XPC: variants seen among roughly 807,000 people sequenced by gnomAD.
The protein encoded by XPC is DNA repair protein complementing XP-C cells.
Under a neutral mutation model 95.8 loss-of-function variants are expected in XPC, and 76 were observed. That is an observed-to-expected ratio of 0.79 (90% CI 0.66 to 0.96). XPC has a LOEUF of 0.96. XPC is among the 40% of genes least tolerant of loss of function. XPC has a pLI of 0.00. For synonymous variants in XPC, 442 were observed against 442.1 expected (o/e 1.00, Z 0.00); for missense variants, 1,146 against 1,179.8 (o/e 0.97, Z 0.42).
Position 14,158,931 on chromosome 3 carries a change from C to A in XPC, c.991-39G>T, listed in dbSNP as rs371154995. 4.0e-5 allele frequency: 64 copies of A among 1,611,334 alleles called. No individual in the cohort carries two copies. In the African/African-American group the frequency reaches 6.8e-4, roughly 17 times the overall value. The stretch of plus-strand genomic sequence containing the variant: ...AGAAATTTTGCTTTTTTTTCTCCCC[C>A]CTCTTTTGCTAATGATATGATAGAA... On this transcript the variant is annotated intron_variant, in intron 8 of 15. Coordinates refer to ENST00000285021, the MANE Select transcript of XPC (RefSeq NM_004628.5). This position sits in a 1 kb window ranked among gnomAD's most constrained non-coding sequence, Gnocchi z 5.2.
intron 5 of XPC, 61 bp downstream of exon 5, chr3:14,167,108 G>A (rs1696411684): frequency 2.8e-6 from 4 of 1,430,634 alleles, no homozygotes; most frequent in Admixed American, 4.8e-5. Flanking sequence ...TAAAGCCTCG[G>A]TGAGCACAAG....
In XPC at chr3:14,145,360, A is replaced by G; in HGVS notation, c.*581T>C. 1.4e-6 allele frequency: 1 copy of G among 699,994 alleles called. No individual in the cohort carries two copies. The highest frequency in any genetic ancestry group is 1.5e-5 in the South Asian group (1 of 67,442). 43.4% of individuals were successfully genotyped at this position (699,994 alleles called of 1,614,324 possible). A position where few individuals can be genotyped will look rare whatever the true frequency, so the allele number is the denominator to read the frequency against. On this transcript the variant is annotated 3_prime_UTR_variant, in exon 16 of 16. Coordinates refer to ENST00000285021, the MANE Select transcript of XPC (RefSeq NM_004628.5). Reference sequence around the variant, plus strand: ...TCTGTCACCACAAAATGTTACTTGGAAAACTAGATCCCAGCAGATGACCTG... The same window carrying G: ...TCTGTCACCACAAAATGTTACTTGGGAAACTAGATCCCAGCAGATGACCTG...
Position 14,158,227 on chromosome 3 carries a change from C to CTGGT in XPC, c.1655_1656insACCA (p.Gly553ProfsTer22). The CTGGT allele has an allele frequency of 6.2e-7, 1 of 1,613,972 alleles. No individual in the cohort carries two copies. The highest frequency in any genetic ancestry group is 8.5e-7 in the Non-Finnish European group (1 of 1,179,886). On this transcript the variant is annotated frameshift_variant, in exon 9 of 16. Transcript: ENST00000285021. LOFTEE classifies it high-confidence loss of function. The surrounding 1 kb of genome is among the most constrained non-coding windows in gnomAD (Gnocchi z 5.2). ...ACTTGTAACAGGTCAGAGGCTGGCC[C>CTGGT]ACCACACCGTGCACACAGTCTACAC...
intron 7 of XPC, among the ~76,000 whole-genome samples, chr3:14,163,117 G>A (rs1696228301): frequency 6.6e-6 from 1 of 152,164 alleles, no homozygotes; most frequent in East Asian, 1.9e-4. Flanking sequence ...ATAACCAAGT[G>A]TTGGTAAAGA....
chr3:14,156,459 C>T lies in XPC; in HGVS notation c.1909G>A (p.Ala637Thr). Reference sequence around the variant, plus strand: ...GGGTGGTTCTTATATAAGCCAATGGCAGTGGGCAAAGGCTGGTCCATGTGT... The same window carrying T: ...GGGTGGTTCTTATATAAGCCAATGGTAGTGGGCAAAGGCTGGTCCATGTGT... Reference protein sequence around the residue: ...AKHMDQPLPTAIGLYKNHPLY... With the variant: ...AKHMDQPLPTTIGLYKNHPLY... Residue 637 changes from alanine to threonine, a missense_variant, in exon 10 of 16, where the codon GCC becomes ACC. Coordinates refer to ENST00000285021, the MANE Select transcript of XPC (RefSeq NM_004628.5). 6.2e-7 allele frequency: 1 copy of T among 1,614,002 alleles called. No individual in the cohort carries two copies. Among genetic ancestry groups the T allele is most frequent in the South Asian group, 1.1e-5 (1 of 91,080 alleles).
At position 14,151,066 on chromosome 3, in the gene XPC, C is replaced by T. The variant is rs140105791; in HGVS notation, c.2115+1269G>A. On this transcript the variant is annotated intron_variant, in intron 11 of 15. Coordinates refer to ENST00000285021, the MANE Select transcript of XPC (RefSeq NM_004628.5). Reference sequence around the variant, plus strand: ...GTTGCCCAAGCAAAAGATACTGAGGCAGGAGCTGGGGTGGTGGGGATCAGA... The same window carrying T: ...GTTGCCCAAGCAAAAGATACTGAGGTAGGAGCTGGGGTGGTGGGGATCAGA... 6.7e-3 allele frequency among the ~76,000 whole-genome samples: 1,018 copies of T among 152,092 alleles called. 16 individuals carry two copies. The highest frequency in any genetic ancestry group is 0.024 in the African/African-American group (983 of 41,466).
Position 14,145,205 on chromosome 3 carries a change from C to G in XPC, c.*736G>C, listed in dbSNP as rs1695362579. On this transcript the variant is annotated 3_prime_UTR_variant, in exon 16 of 16. Transcript: ENST00000285021. ...TTATAAAAGTCATTTCTCCTTAGTACAGAGAGCTTTATACATTTTATCTAG... is the reference window on the plus strand; with the variant it reads ...TTATAAAAGTCATTTCTCCTTAGTAGAGAGAGCTTTATACATTTTATCTAG... 1 of 594,202 alleles carries G rather than the reference C, an allele frequency of 1.7e-6. No individual in the cohort carries two copies. The highest frequency in any genetic ancestry group is 1.9e-5 in the African/African-American group (1 of 53,802). The allele number at this position is 594,202 out of a possible 1,614,324, so 36.8% of individuals were successfully genotyped here. A position where few individuals can be genotyped will look rare whatever the true frequency, so the allele number is the denominator to read the frequency against.
At position 14,158,913 on chromosome 3, in the gene XPC, T is replaced by C. The variant is rs1472051183; in HGVS notation, c.991-21A>G. 6.2e-7 allele frequency: 1 copy of C among 1,613,146 alleles called. No homozygotes were observed. Among genetic ancestry groups the C allele is most frequent in the South Asian group, 1.1e-5 (1 of 91,036 alleles). On this transcript the variant is annotated intron_variant, in intron 8 of 15. Coordinates refer to ENST00000285021, the MANE Select transcript of XPC (RefSeq NM_004628.5). The surrounding 1 kb of genome is among the most constrained non-coding windows in gnomAD (Gnocchi z 5.2). The stretch of plus-strand genomic sequence containing the variant: ...TTTCCCTTAAACAGAATAAGAAATT[T>C]TGCTTTTTTTTCTCCCCCCTCTTTT...
intron 1 of XPC, among the ~76,000 whole-genome samples, chr3:14,173,846 GAAAT>G (rs1696708444): frequency 6.6e-6 from 1 of 151,986 alleles, no homozygotes; most frequent in Non-Finnish European, 1.5e-5. Flanking sequence ...TCTTGAATCT[GAAAT>G]AAATCTTTTG....
intron 9 of XPC, among the ~76,000 whole-genome samples, chr3:14,157,135 G>A (rs918405494): frequency 2.6e-5 from 4 of 152,130 alleles, no homozygotes; most frequent in South Asian, 4.1e-4. Context: ...CTTCCACTGC[G>A]CTTTAGGTAG....
At chr3:14,156,612 T>C (rs1015485748) in intron 9 of XPC, 117 bp from the exon 10 acceptor site, 11 of 1,385,096 alleles carry the variant, frequency 7.9e-6, no homozygotes, top group African/African-American at 4.3e-5. Context: ...CAAGGTTTCA[T>C]GAACACTAAT....
intron 11 of XPC, chr3:14,149,700 TCCA>T (rs1344254001): frequency 6.6e-6 from 1 of 152,232 alleles, no homozygotes; most frequent in African/African-American, 2.4e-5. Context: ...CCTCAAATGA[TCCA>T]CCTGCCTTGG....
chr3:14,149,811 G>C (rs1252468259), intron 11 of XPC: 1 of 152,146 alleles, frequency 6.6e-6, no homozygotes, highest in Non-Finnish European at 1.5e-5. Context: ...AAACCCACAA[G>C]GTAGGTCTTA....
chr3:14,157,899 C>A (rs894619264), intron 9 of XPC, 112 bp downstream of exon 9: 1 of 1,393,042 alleles, frequency 7.2e-7, no homozygotes, highest in South Asian at 1.4e-5. Flanking sequence ...TTAAATGAGA[C>A]AACCCATTAA....
chr3:14,152,252 C>G, intron 11 of XPC, 83 bp downstream of exon 11: 4 of 1,243,862 alleles, frequency 3.2e-6, no homozygotes, highest in Non-Finnish European at 4.6e-6. Context: ...GGAGGCTCAT[C>G]ATCACTTCTC....
At chr3:14,152,525 C>A in intron 10 of XPC, 109 bp from the exon 11 acceptor site, 1 of 1,098,164 alleles carries the variant, frequency 9.1e-7, no homozygotes, top group Non-Finnish European at 1.3e-6. Context: ...GGTTCAGCCA[C>A]CCTGGAGCAG....
chr3:14,156,307 C>T, intron 10 of XPC, 28 bp downstream of exon 10: 1 of 1,601,298 alleles, frequency 6.2e-7, no homozygotes. Flanking sequence ...CAGGAAGCCC[C>T]TGAGGCCAAC....
intron 14 of XPC, 132 bp downstream of exon 14, chr3:14,147,776 G>A: frequency 1.3e-6 from 1 of 780,822 alleles, no homozygotes; most frequent in South Asian, 1.7e-5. Flanking sequence ...GCTCCCTCGG[G>A]TGCCTGCCAT....
In XPC at chr3:14,145,183, TAA is replaced by T. The variant is rs986076871; in HGVS notation, c.*756_*757del. On this transcript the variant is annotated 3_prime_UTR_variant, in exon 16 of 16. Coordinates refer to ENST00000285021, the MANE Select transcript of XPC (RefSeq NM_004628.5). ...GCTTTATTATTTTCTCAAAATGTTA[TAA>T]AAGTCATTTCTCCTTAGTACAGAGA... 13 of 524,350 alleles carry T rather than the reference TAA, an allele frequency of 2.5e-5. No homozygotes were observed. The highest frequency in any genetic ancestry group is 1.1e-4 in the Admixed American group (3 of 28,438). 32.5% of individuals were successfully genotyped at this position (524,350 alleles called of 1,614,324 possible). A position where few individuals can be genotyped will look rare whatever the true frequency, so the allele number is the denominator to read the frequency against.
Sources: gnomAD v4.1 joint callset for allele counts (sites outside exome capture counted in the v4.1 genomes callset) on GRCh38, gnomAD v4.1.1 for gene constraint, Gnocchi (gnomAD v3.1) non-coding constraint, MANE v1.5 for transcripts, NCBI Gene and HGNC (gene_info 2026-07-23, HGNC 2026-07-21) for gene names.